The following UNC13A variants were observed in gnomAD, a reference collection of about 807,000 sequenced individuals.
The protein encoded by UNC13A is protein unc-13 homolog A.
In UNC13A, 61 loss-of-function variants were observed where a neutral mutation model predicts 219.7. The ratio of observed to expected loss-of-function variants is 0.28; its 90% CI spans 0.23 to 0.34. The LOEUF is 0.34. Ranked by LOEUF, UNC13A falls within the 10% of genes least tolerant of loss-of-function variation. The pLI is 1.00. For synonymous variants in UNC13A, 920 were observed against 884.6 expected, an observed-to-expected ratio of 1.04 and a Z score of -0.71; for missense variants, 1,476 against 2,270.3, an observed-to-expected ratio of 0.65 and a Z score of 7.11.
chr19:17,618,975 A>G lies in UNC13A; in HGVS notation c.4273-13T>C. On this transcript the variant is annotated splice_polypyrimidine_tract_variant and intron_variant, in intron 38 of 43. Transcript: ENST00000519716. ...TCATCTGGGTTCCCTGCAGGTAACA[A>G]CATACAGCTGGGTGAGGGCAGGGGT... The G allele has an allele frequency of 6.2e-7, 1 of 1,613,908 alleles. No homozygotes were observed. Among genetic ancestry groups the G allele is most frequent in the East Asian group, 2.2e-5 (1 of 44,880 alleles).
At chr19:17,657,716 T>A (rs570587373) in intron 9 of UNC13A, among the ~76,000 whole-genome samples, 1 of 151,494 alleles carries the variant, frequency 6.6e-6, no homozygotes, top group African/African-American at 2.4e-5. Flanking sequence ...AAAATAAAAA[T>A]AAATTAGCTT....
Position 17,603,172 on chromosome 19 carries a change from A to T in UNC13A, c.*2882T>A, listed in dbSNP as rs957907388. The stretch of plus-strand genomic sequence containing the variant: ...AACTCATTCAACAAATATTCCCTGA[A>T]GAAGCTTGTTTCCTTCACATGCCTG... On this transcript the variant is annotated 3_prime_UTR_variant, in exon 44 of 44. Coordinates refer to ENST00000519716, the MANE Select transcript of UNC13A (RefSeq NM_001080421.3). 1 of 152,262 alleles carries T rather than the reference A, an allele frequency of 6.6e-6. No homozygotes were observed. Among genetic ancestry groups the T allele is most frequent in the African/African-American group, 2.4e-5 (1 of 41,450 alleles). The allele number at this position is 152,262 out of a possible 1,614,324, so 9.4% of individuals were successfully genotyped here.
In UNC13A at chr19:17,623,535, T is replaced by C; in HGVS notation, c.4203+7A>G. 2.0e-6 allele frequency: 3 copies of C among 1,492,732 alleles called. No individual in the cohort carries two copies. Among genetic ancestry groups the C allele is most frequent in the Non-Finnish European group, 2.7e-6 (3 of 1,126,792 alleles). The allele number at this position is 1,492,732 out of a possible 1,614,324, so 92.5% of individuals were successfully genotyped here. The stretch of plus-strand genomic sequence containing the variant: ...ACAGACAGACGGACAGACGGGACTC[T>C]ACTTACGATCATCTGTCATCCGTGA... On this transcript the variant is annotated splice_region_variant and intron_variant, in intron 36 of 43. Transcript: ENST00000519716.
At chr19:17,633,476 A>ATCCT (rs2076878780) in intron 26 of UNC13A, among the ~76,000 whole-genome samples, 1 of 151,686 alleles carries the variant, frequency 6.6e-6, no homozygotes, top group Non-Finnish European at 1.5e-5. Flanking sequence ...CCATTCATCC[A>ATCCT]TCCTTCCATC....
At position 17,639,876 on chromosome 19, in the gene UNC13A, C is replaced by T. The variant is rs1331928504; in HGVS notation, c.2820G>A (p.Leu940=). 2 of 1,613,682 alleles carry T rather than the reference C, an allele frequency of 1.2e-6. No individual in the cohort carries two copies. Among genetic ancestry groups the T allele is most frequent in the African/African-American group, 2.7e-5 (2 of 74,878 alleles). ...KERFVKLLDQ[L]HNSLRIDLSM... is the part of the protein sequence containing the mutation. ...AGAGGTCAATCCGCAGGGAGTTATG[C>T]AGCTGGTCCAGGAGTTTCACGAAGC... The change falls in exon 23 of 44, where the codon CTG becomes CTA. Residue 940 remains leucine, a synonymous_variant. Coordinates refer to ENST00000519716, the MANE Select transcript of UNC13A (RefSeq NM_001080421.3).
chr19:17,639,733 G>A (rs150949695), intron 23 of UNC13A, 107 bp downstream of exon 23: 183 of 1,332,428 alleles, frequency 1.4e-4, no homozygotes, highest in Admixed American at 9.1e-4. Flanking sequence ...GGAACACATC[G>A]TACATGCGAA....
intron 41 of UNC13A, among the ~76,000 whole-genome samples, chr19:17,613,010 T>C (rs907587691): frequency 6.6e-6 from 1 of 152,096 alleles, no homozygotes; most frequent in Non-Finnish European, 1.5e-5. Flanking sequence ...GGTGGGCAGA[T>C]AACTTGAGGT....
rs149815309 is a variant in UNC13A at position 17,613,307 on chromosome 19, G to A, written c.4559-1452C>T. Among the ~76,000 whole-genome samples the A allele has an allele frequency of 5.6e-3, 851 of 152,190 alleles. 3 individuals carry two copies. The highest frequency in any genetic ancestry group is 0.013 in the South Asian group (61 of 4,822). On this transcript the variant is annotated intron_variant, in intron 41 of 43. Transcript: ENST00000519716. ...ACCTGTAGTCCCAGCTATCTAGGAG[G>A]CTGAGGCAGGAGGATCGCTTAATCC...
rs2076847014 is a variant in UNC13A, at chr19:17,631,187, C to A, written c.3429-437G>T. On this transcript the variant is annotated intron_variant, in intron 28 of 43. Transcript: ENST00000519716. ...CCTCCCTCCCTCCCTCCTTTCCTTCCTTCCCTCCCTCCCTCCCTTCCTTCC... is the reference window on the plus strand; with the variant it reads ...CCTCCCTCCCTCCCTCCTTTCCTTCATTCCCTCCCTCCCTCCCTTCCTTCC... 4.6e-5 allele frequency among the ~76,000 whole-genome samples: 2 copies of A among 43,728 alleles called. 1 individual carries two copies. Among genetic ancestry groups the A allele is most frequent in the African/African-American group, 2.3e-4 (2 of 8,678 alleles). The allele number at this position is 43,728 out of a possible 152,430, so 28.7% of individuals were successfully genotyped here. A position where few individuals can be genotyped will look rare whatever the true frequency, so the allele number is the denominator to read the frequency against.
intron 28 of UNC13A, among the ~76,000 whole-genome samples, chr19:17,631,048 CGT>C (rs2076838321): frequency 6.7e-6 from 1 of 150,320 alleles, no homozygotes; most frequent in African/African-American, 2.5e-5. Flanking sequence ...CTGAGTCCTC[CGT>C]CCATCCTTCC....
intron 1 of UNC13A, among the ~76,000 whole-genome samples, chr19:17,685,933 T>A (rs1316976301): frequency 1.3e-5 from 2 of 151,796 alleles, no homozygotes; most frequent in Non-Finnish European, 2.9e-5. Context: ...TGCTCAGCCA[T>A]CCCAGCCCCT....
At chr19:17,655,073 T>G (rs1029525021) in intron 11 of UNC13A, among the ~76,000 whole-genome samples, 19 of 151,686 alleles carry the variant, frequency 1.3e-4, no homozygotes, top group African/African-American at 3.6e-4. Context: ...TGAATGAGGG[T>G]GGGGCCAGGG....
chr19:17,687,968 G>A (rs948854132), intron 1 of UNC13A, among the ~76,000 whole-genome samples: 1 of 149,712 alleles, frequency 6.7e-6, no homozygotes, highest in African/African-American at 2.5e-5. Flanking sequence ...CCCTCCAGCA[G>A]CGGCCACCAG....
Position 17,645,785 on chromosome 19 carries a change from T to C in UNC13A, c.2245A>G (p.Ile749Val). The change falls in exon 19 of 44, where the codon ATC becomes GTC. Residue 749 changes from isoleucine to valine, a missense_variant. Ile to Val is a conservative substitution (Grantham distance 29). Coordinates refer to ENST00000519716, the MANE Select transcript of UNC13A (RefSeq NM_001080421.3). ...KVRVWDEDDD[I>V]KSRVKQRFKR... ...AACCTCTGTTTCACGCGGGATTTGA[T>C]GTCGTCATCCTCGTCCCAGACGCGC... is the stretch of plus-strand genomic sequence containing the variant. 6.2e-7 allele frequency: 1 copy of C among 1,614,004 alleles called. No homozygotes were observed. Among genetic ancestry groups the C allele is most frequent in the Non-Finnish European group, 8.5e-7 (1 of 1,179,924 alleles).
In UNC13A at chr19:17,613,770, CA is replaced by C. The variant is rs1451249610; in HGVS notation, c.4559-1916del. 7 of 137,542 alleles carry C rather than the reference CA, an allele frequency of 5.1e-5. No individual in the cohort carries two copies. The Admixed American group carries it at 5.6e-4, about 11-fold the overall frequency. 8.5% of individuals were successfully genotyped at this position (137,542 alleles called of 1,614,324 possible). ...TTGCTTTGTCGCCCAGGCTGGAGTG[CA>C]ATGGCGAAATCTCGGCTCACTGCAA... On this transcript the variant is annotated intron_variant, in intron 41 of 43. Coordinates refer to ENST00000519716, the MANE Select transcript of UNC13A (RefSeq NM_001080421.3).
intron 8 of UNC13A, among the ~76,000 whole-genome samples, chr19:17,663,192 G>A (rs887976136): frequency 1.3e-5 from 2 of 152,064 alleles, no homozygotes; most frequent in African/African-American, 4.8e-5. Flanking sequence ...GGCTACAGGA[G>A]AGGAGGTGAG....
At chr19:17,621,905 C>A in intron 36 of UNC13A, 35 bp from the exon 37 acceptor site, 1 of 1,612,990 alleles carries the variant, frequency 6.2e-7, no homozygotes, top group Non-Finnish European at 8.5e-7. Flanking sequence ...ATCAACCTGG[C>A]AAGTCGTGCA....
intron 2 of UNC13A, among the ~76,000 whole-genome samples, chr19:17,675,644 A>AG (rs113073746): frequency 0.036 from 5,194 of 145,838 alleles, 329 homozygotes; most frequent in African/African-American, 0.13. Flanking sequence ...AAAAAAAAAA[A>AG]AAGAAGAAGA....
At chr19:17,682,716 C>T (rs2080041346) in intron 1 of UNC13A, among the ~76,000 whole-genome samples, 1 of 152,136 alleles carries the variant, frequency 6.6e-6, no homozygotes, top group Non-Finnish European at 1.5e-5. Context: ...AGGGGAATAG[C>T]CCCGATGAAT....
Sources: gnomAD v4.1 joint callset for allele counts (sites outside exome capture counted in the v4.1 genomes callset) on GRCh38, gnomAD v4.1.1 for gene constraint, MANE v1.5 for transcripts, NCBI Gene and HGNC (gene_info 2026-07-23, HGNC 2026-07-21) for gene names.